PGPEP1: variants seen among roughly 807,000 people sequenced by gnomAD.
PGPEP1 encodes pyroglutamyl-peptidase I, also known as pyroglutamyl-peptidase 1.
Under a neutral mutation model 24.1 loss-of-function variants are expected in PGPEP1, and 15 were observed. The observed-to-expected ratio is 0.62, with a 90% CI of 0.42 to 0.96. PGPEP1 has a LOEUF of 0.96. Ranked by LOEUF, PGPEP1 falls within the 40% of genes least tolerant of loss-of-function variation. PGPEP1 has a pLI of 0.00. For synonymous variants in PGPEP1, 122 were observed against 116.4 expected, an observed-to-expected ratio of 1.05 and a Z score of -0.31; for missense variants, 242 against 273.4, an observed-to-expected ratio of 0.89 and a Z score of 0.81.
chr19:18,356,901 G>A, intron 3 of PGPEP1, among the ~76,000 whole-genome samples: 1 of 151,948 alleles, frequency 6.6e-6, no homozygotes, highest in African/African-American at 2.4e-5. Context: ...AGCCAGGTGT[G>A]GTGGCGCATG....
chr19:18,356,787 T>C (rs12976357), intron 3 of PGPEP1, among the ~76,000 whole-genome samples: 112,992 of 151,830 alleles, frequency 0.74, 42,324 homozygotes, highest in South Asian at 0.83. Context: ...GCCTGTAATC[T>C]GAGCACTTTG....
chr19:18,364,686 G>T lies in PGPEP1; in HGVS notation c.*1103G>T, dbSNP rs1971477495. On this transcript the variant is annotated 3_prime_UTR_variant, in exon 5 of 5. Coordinates refer to ENST00000269919, the MANE Select transcript of PGPEP1 (RefSeq NM_017712.4). ...TGAGGCCCCCTTGCTTAAGGCATGG[G>T]GTCCGTGGCCAGGCAACGGGGTGGG... 1 of 152,178 alleles carries T rather than the reference G, an allele frequency of 6.6e-6. No individual in the cohort carries two copies. The allele number at this position is 152,178 out of a possible 1,614,324, so 9.4% of individuals were successfully genotyped here.
chr19:18,356,026 G>T lies in PGPEP1; in HGVS notation c.204+15G>T. On this transcript the variant is annotated intron_variant, in intron 3 of 4. Coordinates refer to ENST00000269919, the MANE Select transcript of PGPEP1 (RefSeq NM_017712.4). ...ACAGTCCACAGGTGAGTGGTGCCAA[G>T]GGGCGGCACTTCCTCATCAGGACTT... 6.7e-7 allele frequency: 1 copy of T among 1,499,118 alleles called. No individual in the cohort carries two copies. The highest frequency in any genetic ancestry group is 1.1e-5 in the South Asian group (1 of 88,752). The allele number at this position is 1,499,118 out of a possible 1,614,324, so 92.9% of individuals were successfully genotyped here. A position where few individuals can be genotyped will look rare whatever the true frequency, so the allele number is the denominator to read the frequency against.
chr19:18,346,994 C>T (rs1242798914), intron 2 of PGPEP1, among the ~76,000 whole-genome samples: 1 of 151,922 alleles, frequency 6.6e-6, no homozygotes, highest in African/African-American at 2.4e-5. Context: ...CTGCCTCTCT[C>T]TCTCTGGGTT....
chr19:18,341,910 T>C (rs573624287), intron 1 of PGPEP1, among the ~76,000 whole-genome samples: 22 of 147,094 alleles, frequency 1.5e-4, no homozygotes, highest in African/African-American at 5.7e-4. Context: ...AGATGGACCG[T>C]ATTTTTTTTT....
intron 2 of PGPEP1, among the ~76,000 whole-genome samples, chr19:18,347,784 C>T (rs1214366748): frequency 1.3e-5 from 2 of 152,060 alleles, no homozygotes; most frequent in Non-Finnish European, 2.9e-5. Flanking sequence ...CAGGTGCACG[C>T]CACCACGCCC....
chr19:18,361,812 C>T (rs776397561), intron 4 of PGPEP1: 40 of 985,078 alleles, frequency 4.1e-5, no homozygotes, highest in South Asian at 9.4e-5. Context: ...TTTGCTTTTA[C>T]GTGGATGGAG....
Position 18,357,429 on chromosome 19 carries a change from T to G in PGPEP1, c.251T>G (p.Leu84Arg). ...TCAGGCATGGCGACCACAGTCACAC[T>G]GGAGAAATGTGGACACAACAAGGGC... ...GVSGMATTVT[L>R]EKCGHNKGYK... Residue 84 changes from leucine to arginine, a missense_variant, in exon 4 of 5, where the codon CTG (leucine) becomes CGG (arginine). By Grantham distance (102) the Leu-to-Arg change is moderately radical. Transcript: ENST00000269919. 1.2e-6 allele frequency: 2 copies of G among 1,613,974 alleles called. No individual in the cohort carries two copies. Among genetic ancestry groups the G allele is most frequent in the East Asian group, 2.2e-5 (1 of 44,876 alleles).
intron 2 of PGPEP1, among the ~76,000 whole-genome samples, chr19:18,348,589 C>T (rs1184271939): frequency 6.6e-6 from 1 of 152,098 alleles, no homozygotes; most frequent in African/African-American, 2.4e-5. Context: ...TGGAACAGAG[C>T]GTGTTCAGAG....
chr19:18,348,331 C>T lies in PGPEP1; in HGVS notation c.87+5420C>T, dbSNP rs560265118. ...GCTGCCACAGTGAGTCTAGACAGACCTGCTAAGGATATTACCAGGGAACAA... is the reference window on the plus strand; with the variant it reads ...GCTGCCACAGTGAGTCTAGACAGACTTGCTAAGGATATTACCAGGGAACAA... On this transcript the variant is annotated intron_variant, in intron 2 of 4. Coordinates refer to ENST00000269919, the MANE Select transcript of PGPEP1 (RefSeq NM_017712.4). Among the ~76,000 whole-genome samples, 16 of 152,250 alleles carry T rather than the reference C, an allele frequency of 1.1e-4. No individual in the cohort carries two copies. In the East Asian group the frequency reaches 3.1e-3, roughly 29 times the overall value.
At chr19:18,357,687 C>G (rs774280683) in intron 4 of PGPEP1, 72 bp downstream of exon 4, 10 of 1,137,882 alleles carry the variant, frequency 8.8e-6, no homozygotes, top group Non-Finnish European at 1.3e-5. Context: ...TAGAACAAGC[C>G]AAGCGTGTTG....
At chr19:18,362,726 C>CAA (rs71166506) in intron 4 of PGPEP1, among the ~76,000 whole-genome samples, 11,899 of 85,502 alleles carry the variant, frequency 0.14, 1,051 homozygotes, top group Middle Eastern at 0.24. Flanking sequence ...GACTCTGTCT[C>CAA]AAAAAAAAAA....
chr19:18,354,309 C>T (rs2144558331), intron 2 of PGPEP1, among the ~76,000 whole-genome samples: 2 of 151,912 alleles, frequency 1.3e-5, no homozygotes, highest in South Asian at 4.2e-4. Context: ...TCCTGGCTAA[C>T]ACAGTGAAAC....
chr19:18,348,102 A>G (rs1293001326), intron 2 of PGPEP1, among the ~76,000 whole-genome samples: 1 of 151,812 alleles, frequency 6.6e-6, no homozygotes, highest in East Asian at 1.9e-4. Flanking sequence ...CACCCCAAGC[A>G]CGAGGCACCA....
chr19:18,357,235 T>C lies in PGPEP1; in HGVS notation c.205-148T>C, dbSNP rs550643516. 75 of 616,614 alleles carry C rather than the reference T, an allele frequency of 1.2e-4. 1 individual carries two copies. The African/African-American group carries it at 1.2e-3, about 10-fold the overall frequency. 38.2% of individuals were successfully genotyped at this position (616,614 alleles called of 1,614,324 possible). A position where few individuals can be genotyped will look rare whatever the true frequency, so the allele number is the denominator to read the frequency against. ...TGGCATACCTTTTTCCAAGAGTGAC[T>C]GCAGGGTCTATTCTAGCAGCAAGAG... On this transcript the variant is annotated intron_variant, in intron 3 of 4. Coordinates refer to ENST00000269919, the MANE Select transcript of PGPEP1 (RefSeq NM_017712.4).
chr19:18,346,633 CTT>C (rs775309565), intron 2 of PGPEP1, among the ~76,000 whole-genome samples: 7,141 of 78,642 alleles, frequency 0.091, 86 homozygotes, highest in African/African-American at 0.18. Context: ...CTGTTTCTCT[CTT>C]TTTTTTTTTT....
chr19:18,361,664 T>A, intron 4 of PGPEP1: 1 of 908,766 alleles, frequency 1.1e-6, no homozygotes, highest in African/African-American at 1.8e-5. Flanking sequence ...TTGGGAAAAA[T>A]TCTCATTCCC....
At chr19:18,352,979 A>G (rs10410065) in intron 2 of PGPEP1, among the ~76,000 whole-genome samples, 13,130 of 150,942 alleles carry the variant, frequency 0.087, 1,890 homozygotes, top group African/African-American at 0.3. Context: ...GTGCAGTGGC[A>G]CAATCTCGGC....
chr19:18,351,895 G>T (rs1193611803), intron 2 of PGPEP1, among the ~76,000 whole-genome samples: 1 of 151,844 alleles, frequency 6.6e-6, no homozygotes, highest in Non-Finnish European at 1.5e-5. Context: ...GAGGCCAAGG[G>T]GGGGCTGATC....
Sources: gnomAD v4.1 joint callset for allele counts (sites outside exome capture counted in the v4.1 genomes callset) on GRCh38, gnomAD v4.1.1 for gene constraint, MANE v1.5 for transcripts, NCBI Gene and HGNC (gene_info 2026-07-23, HGNC 2026-07-21) for gene names.